Variants in MLLT10 observed in about 807,000 individuals in gnomAD.
The protein encoded by MLLT10 is protein AF-10.
Under a neutral mutation model 129.1 loss-of-function variants are expected in MLLT10, and 30 were observed. The observed-to-expected ratio is 0.23, with a 90% CI of 0.17 to 0.32. The LOEUF is 0.32. MLLT10 is among the 10% of genes least tolerant of loss of function. MLLT10 has a pLI of 1.00. For missense variants in MLLT10, 1,119 were observed against 1,268.3 expected (o/e 0.88, Z 1.79); for synonymous variants, 490 against 446.4 (o/e 1.10, Z -1.23).
chr10:21,727,907 C>CCCGAGGAAGTCTCTCG lies in MLLT10; in HGVS notation c.2045_2060dup (p.Ser689LysfsTer16). On this transcript the variant is annotated frameshift_variant, in exon 16 of 23. Coordinates refer to ENST00000307729, the MANE Select transcript of MLLT10 (RefSeq NM_001195626.3). LOFTEE classifies it high-confidence loss of function. Reference sequence around the variant, plus strand: ...AACCTAGTTGGCAGAGGAAGCTCACCCCGAGGAAGTCTCTCGCCACGGTAA... The same window carrying CCCGAGGAAGTCTCTCG: ...AACCTAGTTGGCAGAGGAAGCTCACCCCGAGGAAGTCTCTCGCCGAGGAAGTCTCTCGCCACGGTAA... The CCCGAGGAAGTCTCTCG allele has an allele frequency of 6.2e-7, 1 of 1,613,906 alleles. No individual in the cohort carries two copies. The highest frequency in any genetic ancestry group is 8.5e-7 in the Non-Finnish European group (1 of 1,179,936).
At chr10:21,655,882 G>C (rs115604201) in intron 9 of MLLT10, among the ~76,000 whole-genome samples, 5,476 of 152,180 alleles carry the variant, frequency 0.036, 338 homozygotes, top group African/African-American at 0.13. Flanking sequence ...GGGGTACATT[G>C]CACCTTGTTC....
At chr10:21,581,628 A>C (rs903846493) in intron 3 of MLLT10, among the ~76,000 whole-genome samples, 1 of 152,168 alleles carries the variant, frequency 6.6e-6, no homozygotes, top group African/African-American at 2.4e-5. Context: ...AGTTTCCCCC[A>C]TCCTGTTCTC....
intron 13 of MLLT10, among the ~76,000 whole-genome samples, chr10:21,705,831 G>GC (rs1181968037): frequency 6.6e-6 from 1 of 152,172 alleles, no homozygotes; most frequent in Non-Finnish European, 1.5e-5. Context: ...TACAGCATAA[G>GC]CATCCTCCCT....
In MLLT10 at chr10:21,743,116, A is replaced by G. The variant is rs1239619546; in HGVS notation, c.*1133A>G. On this transcript the variant is annotated 3_prime_UTR_variant, in exon 23 of 23. Coordinates refer to ENST00000307729, the MANE Select transcript of MLLT10 (RefSeq NM_001195626.3). ...TGGGGAGCCACGCTTTTGATGTGAC[A>G]GTACCGCAGAGTGATTCCCCCACTG... is the stretch of plus-strand genomic sequence containing the variant. 2 of 230,566 alleles carry G rather than the reference A, an allele frequency of 8.7e-6. No homozygotes were observed. The highest frequency in any genetic ancestry group is 4.4e-5 in the African/African-American group (2 of 45,196). 14.3% of individuals were successfully genotyped at this position (230,566 alleles called of 1,614,324 possible).
chr10:21,682,375 G>A lies in MLLT10; in HGVS notation c.1699+118G>A, dbSNP rs1319474477. 4.3e-6 allele frequency: 4 copies of A among 929,048 alleles called. No individual in the cohort carries two copies. The African/African-American group carries it at 6.7e-5, about 16-fold the overall frequency. The allele number at this position is 929,048 out of a possible 1,614,324, so 57.6% of individuals were successfully genotyped here. A position where few individuals can be genotyped will look rare whatever the true frequency, so the allele number is the denominator to read the frequency against. On this transcript the variant is annotated intron_variant, in intron 13 of 22. Transcript: ENST00000307729. ...ATTAGATGAAATCCAGTGCTGCAGT[G>A]AGTCAATTGTTCAGCACCTTAGTGA...
chr10:21,625,597 A>T, intron 8 of MLLT10: 1 of 756,900 alleles, frequency 1.3e-6, no homozygotes, highest in Non-Finnish European at 2.5e-6. Flanking sequence ...TCTTTTTGTC[A>T]TCAGGTTGAT....
intron 3 of MLLT10, among the ~76,000 whole-genome samples, chr10:21,577,029 C>T (rs984222011): frequency 1.3e-4 from 20 of 152,220 alleles, no homozygotes; most frequent in Non-Finnish European, 2.5e-4. Context: ...AACAGTCACT[C>T]TCCATTACCC....
intron 11 of MLLT10, among the ~76,000 whole-genome samples, chr10:21,678,679 T>G (rs1056730173): frequency 6.6e-6 from 1 of 152,222 alleles, no homozygotes; most frequent in Non-Finnish European, 1.5e-5. Context: ...GATAGGCTAA[T>G]GATCTTTTTC....
intron 21 of MLLT10, chr10:21,738,307 C>T: frequency 1.1e-6 from 1 of 889,116 alleles, no homozygotes; most frequent in Non-Finnish European, 1.5e-6. Context: ...AAGATGGGAT[C>T]TTGTTTTTTC....
chr10:21,665,306 G>T (rs911356506), intron 9 of MLLT10, among the ~76,000 whole-genome samples: 2 of 137,288 alleles, frequency 1.5e-5, no homozygotes, highest in African/African-American at 2.7e-5. Context: ...TTTTTTGGGG[G>T]GGGGGGGGTT....
intron 8 of MLLT10, among the ~76,000 whole-genome samples, chr10:21,628,335 C>G (rs1385151251): frequency 6.6e-6 from 1 of 151,728 alleles, no homozygotes; most frequent in Non-Finnish European, 1.5e-5. Context: ...TTCAGTGGGT[C>G]AGGAATTTGG....
intron 14 of MLLT10, among the ~76,000 whole-genome samples, chr10:21,722,502 A>T (rs1040153520): frequency 6.6e-6 from 1 of 152,108 alleles, no homozygotes; most frequent in African/African-American, 2.4e-5. Flanking sequence ...TTTAATACAA[A>T]AGCTTTCATG....
intron 13 of MLLT10, among the ~76,000 whole-genome samples, chr10:21,703,515 A>C (rs939228079): frequency 6.6e-6 from 1 of 152,082 alleles, no homozygotes; most frequent in East Asian, 1.9e-4. Context: ...AGCCTCCTCT[A>C]TCTGGATGTC....
At chr10:21,678,151 CT>C (rs768723357) in intron 11 of MLLT10, among the ~76,000 whole-genome samples, 98 of 152,222 alleles carry the variant, frequency 6.4e-4, no homozygotes, top group Non-Finnish European at 9.1e-4. Flanking sequence ...ATTGACCAGG[CT>C]AGAGTGTAGT....
chr10:21,705,779 G>A (rs1564685111), intron 13 of MLLT10, among the ~76,000 whole-genome samples: 1 of 152,174 alleles, frequency 6.6e-6, no homozygotes, highest in Non-Finnish European at 1.5e-5. Context: ...TCTTAAGATG[G>A]TGCTTTGCTG....
Position 21,646,031 on chromosome 10 carries a change from C to G in MLLT10, c.700-5642C>G, listed in dbSNP as rs112557950. 5.9e-5 allele frequency among the ~76,000 whole-genome samples: 9 copies of G among 152,212 alleles called. 1 individual carries two copies. Among genetic ancestry groups the G allele is most frequent in the African/African-American group, 2.2e-4 (9 of 41,538 alleles). On this transcript the variant is annotated intron_variant, in intron 8 of 22. Coordinates refer to ENST00000307729, the MANE Select transcript of MLLT10 (RefSeq NM_001195626.3). ...ACCAGCCTGGCCAACATGATGAAATCCCGTCTCTACTAAAAATACAAAAGT... is the reference window on the plus strand; with the variant it reads ...ACCAGCCTGGCCAACATGATGAAATGCCGTCTCTACTAAAAATACAAAAGT...
At chr10:21,703,980 A>T (rs2055180068) in intron 13 of MLLT10, among the ~76,000 whole-genome samples, 1 of 144,200 alleles carries the variant, frequency 6.9e-6, no homozygotes, top group African/African-American at 2.5e-5. Context: ...CTATTGTTGA[A>T]ACTTCTGAAT....
chr10:21,624,823 G>A (rs1381536241), intron 8 of MLLT10: 14 of 1,068,416 alleles, frequency 1.3e-5, no homozygotes, highest in Admixed American at 2.0e-5. Context: ...CGGGAACCAC[G>A]GCCACGGCCT....
At chr10:21,555,116 C>T (rs534013546) in intron 3 of MLLT10, among the ~76,000 whole-genome samples, 12 of 149,388 alleles carry the variant, frequency 8.0e-5, no homozygotes, top group Admixed American at 2.7e-4. Context: ...CCACTGTGCC[C>T]GGCCATACTT....
Sources: gnomAD v4.1 joint callset for allele counts (sites outside exome capture counted in the v4.1 genomes callset) on GRCh38, gnomAD v4.1.1 for gene constraint, MANE v1.5 for transcripts, NCBI Gene and HGNC (gene_info 2026-07-23, HGNC 2026-07-21) for gene names.